The following RNF213 variants were observed in gnomAD, a reference collection of about 807,000 sequenced individuals.
The protein encoded by RNF213 is E3 ubiquitin-protein ligase RNF213.
A neutral mutation model predicts 514.4 loss-of-function variants in RNF213; 341 were observed. The observed-to-expected ratio is 0.66, with a 90% CI of 0.61 to 0.73. RNF213 has a LOEUF of 0.73. Ranked by LOEUF, RNF213 falls within the 30% of genes least tolerant of loss-of-function variation. The pLI, the probability that RNF213 is intolerant of heterozygous loss-of-function variation, is 0.00. For synonymous variants in RNF213, 2,655 were observed against 2,658.2 expected (o/e 1.00, Z 0.04); for missense variants, 5,767 against 6,615.6 (o/e 0.87, Z 4.45).
chr17:80,357,658 C>A (rs551520896), intron 36 of RNF213, among the ~76,000 whole-genome samples: 1 of 152,184 alleles, frequency 6.6e-6, no homozygotes, highest in South Asian at 2.1e-4. Context: ...TAGTTACATA[C>A]AAAAATTATG....
At chr17:80,323,038 A>G (rs1286143748) in intron 17 of RNF213, among the ~76,000 whole-genome samples, 1 of 152,104 alleles carries the variant, frequency 6.6e-6, no homozygotes. Flanking sequence ...CCTTTGATCC[A>G]TTTTGAGTTC....
In RNF213 at chr17:80,348,148, C is replaced by T. The variant is rs267605083; in HGVS notation, c.9813C>T (p.Ser3271=). ...CATPDAVVRL[S]AYSLGGFAAE... ...CGCCCGATGCCGTGGTCCGGCTGAG[C>T]GCCTACTCGCTGGGCGGGTTCGCAG... Residue 3271 remains serine, a synonymous_variant, in exon 29 of 68, where the codon AGC becomes AGT. Transcript: ENST00000582970. The T allele has an allele frequency of 8.1e-6, 13 of 1,613,966 alleles. No individual in the cohort carries two copies. In the African/African-American group the frequency reaches 1.2e-4, roughly 15 times the overall value.
rs1484128046 is a variant in RNF213 at position 80,369,664 on chromosome 17, T to C, written c.12318T>C (p.Ala4106=). The change falls in exon 45 of 68, where the codon GCT becomes GCC. Residue 4106 remains alanine (A), a synonymous_variant. Transcript: ENST00000582970. ...TCCAAAAGGGGCGCTTAAGAGATGC[T>C]GCCCAGAGTAGGTTGCTTTCTTCCT... ...LFVQKGRLRD[A]AQRHCEHTKS... The C allele has an allele frequency of 6.2e-7, 1 of 1,614,124 alleles. No homozygotes were observed. The highest frequency in any genetic ancestry group is 8.5e-7 in the Non-Finnish European group (1 of 1,180,060).
intron 3 of RNF213, among the ~76,000 whole-genome samples, chr17:80,277,104 G>A (rs1484620681): frequency 6.6e-6 from 1 of 151,792 alleles, no homozygotes; most frequent in Non-Finnish European, 1.5e-5. Context: ...AATACGATAT[G>A]GATCTGTGCT....
chr17:80,355,253 T>C (rs1482790343), intron 36 of RNF213: 1 of 455,220 alleles, frequency 2.2e-6, no homozygotes, highest in East Asian at 7.0e-5. Flanking sequence ...TCTGTGCCAG[T>C]GATAGGTTCG....
At chr17:80,294,674 G>T in intron 8 of RNF213, 46 bp from the exon 9 acceptor site, 1 of 1,609,736 alleles carries the variant, frequency 6.2e-7, no homozygotes, top group Admixed American at 1.7e-5. Flanking sequence ...GGTCTCCAGG[G>T]TTTTGATGGT....
In RNF213 at chr17:80,345,773, T is replaced by C. The variant is rs766330841; in HGVS notation, c.7438T>C (p.Leu2480=). 11 of 1,614,188 alleles carry C rather than the reference T, an allele frequency of 6.8e-6. No individual in the cohort carries two copies. The highest frequency in any genetic ancestry group is 9.3e-6 in the Non-Finnish European group (11 of 1,180,038). Residue 2480 remains leucine (L), a synonymous_variant, in exon 29 of 68, where the codon TTG becomes CTG. Transcript: ENST00000582970. The surrounding 1 kb of genome is among the most constrained non-coding windows in gnomAD (Gnocchi z 6.0). ...CTTCGCCAATAAGGACCAACATCAGTTGGACACCATCTTGTTTTTTGATGA... is the reference window on the plus strand; with the variant it reads ...CTTCGCCAATAAGGACCAACATCAGCTGGACACCATCTTGTTTTTTGATGA... The part of the protein sequence containing the change: ...VAFANKDQHQ[L]DTILFFDEAN...
rs2043525500 is a variant in RNF213, at chr17:80,264,089, G to C, written c.97+311G>C. Among the ~76,000 whole-genome samples, 1 of 152,218 alleles carries C rather than the reference G, an allele frequency of 6.6e-6. No individual in the cohort carries two copies. Among genetic ancestry groups the C allele is most frequent in the Admixed American group, 6.5e-5 (1 of 15,272 alleles). ...GAGGAGAGGGCAGGGCCAGGGCAGG[G>C]AGAGGACAAAACAAGAAGTTTTGTC... On this transcript the variant is annotated intron_variant, in intron 2 of 67. Transcript: ENST00000582970. This position sits in a 1 kb window ranked among gnomAD's most constrained non-coding sequence, Gnocchi z 5.0.
Position 80,377,213 on chromosome 17 carries a change from TCTGGAATATGC to T in RNF213, c.13510+252_13510+262del. 1.9e-6 allele frequency: 1 copy of T among 521,544 alleles called. No homozygotes were observed. The highest frequency in any genetic ancestry group is 3.2e-5 in the Admixed American group (1 of 31,406). 32.3% of individuals were successfully genotyped at this position (521,544 alleles called of 1,614,324 possible). A position where few individuals can be genotyped will look rare whatever the true frequency, so the allele number is the denominator to read the frequency against. On this transcript the variant is annotated intron_variant, in intron 53 of 67. Transcript: ENST00000582970. The surrounding 1 kb of genome is among the most constrained non-coding windows in gnomAD (Gnocchi z 4.1). ...GGCCCTCTGTGATGCACTTCTGTTC[TCTGGAATATGC>T]CATTTTGGGAGAAGGGAGGGACTGG...
At chr17:80,293,977 A>G (rs1181958610) in intron 8 of RNF213, among the ~76,000 whole-genome samples, 7 of 152,150 alleles carry the variant, frequency 4.6e-5, no homozygotes, top group Admixed American at 3.3e-4. Context: ...AGTCTAGACA[A>G]CTGTGGGTCG....
At chr17:80,390,719 TTA>T (rs33976036) in intron 67 of RNF213, among the ~76,000 whole-genome samples, 124,709 of 152,022 alleles carry the variant, frequency 0.82, 51,820 homozygotes, top group African/African-American at 0.9. Flanking sequence ...TATTCTAATT[TTA>T]TAACAAGTAG....
At position 80,380,842 on chromosome 17, in the gene RNF213, A is replaced by T; in HGVS notation, c.13652A>T (p.Asp4551Val). ...CTCGTTCTTTCCAGAGACAAGGCAG[A>T]CAGAACGCAGACCGGCCACGTGCTG... is the stretch of plus-strand genomic sequence containing the variant. ...DGFHLVKDKADRTQTGHVLGN... is the reference protein window; with the variant it reads ...DGFHLVKDKAVRTQTGHVLGN... The change falls in exon 56 of 68, where the codon GAC (aspartate) becomes GTC (valine). Residue 4551 changes from aspartate (D) to valine (V), a missense_variant. By Grantham distance (152) the Asp-to-Val change is radical. This residue lies in a region of RNF213 where 1,245 missense variants were observed against 1,339.0 expected (regional missense o/e 0.93). Coordinates refer to ENST00000582970, the MANE Select transcript of RNF213 (RefSeq NM_001256071.3). 3.1e-6 allele frequency: 5 copies of T among 1,614,220 alleles called. No homozygotes were observed. Among genetic ancestry groups the T allele is most frequent in the Non-Finnish European group, 4.2e-6 (5 of 1,180,046 alleles).
At chr17:80,322,160 C>CCT (rs745717325) in intron 17 of RNF213, among the ~76,000 whole-genome samples, 27 of 99,440 alleles carry the variant, frequency 2.7e-4, no homozygotes, top group Admixed American at 3.6e-4. Flanking sequence ...CCCACCCCCC[C>CCT]TTTTTTTTTT....
Position 80,344,880 on chromosome 17 carries a change from C to A in RNF213, c.6545C>A (p.Thr2182Lys). 6.2e-7 allele frequency: 1 copy of A among 1,614,178 alleles called. No individual in the cohort carries two copies. ...TTCAATCAAAACCAAGACCTAGACA[C>A]GTTTCAGTATCAAGAAGGCTCTGTC... ...RRFNQNQDLD[T>K]FQYQEGSVEG... is the part of the protein sequence containing the mutation. The change falls in exon 29 of 68, where the codon ACG becomes AAG. Residue 2182 changes from threonine (T) to lysine (K), a missense_variant. Around this residue, in one of 13 missense-constraint regions of RNF213, gnomAD observed 1,377 missense variants for 1,635.2 expected, o/e 0.84. Transcript: ENST00000582970.
rs368452080 is a variant in RNF213, at chr17:80,376,294, C to T, written c.13186-7C>T. The T allele has an allele frequency of 2.0e-5, 33 of 1,613,984 alleles. No homozygotes were observed. The African/African-American group carries it at 4.1e-4, about 20-fold the overall frequency. ...TACATCTTAATGTTAAGTTTTTTTC[C>T]TGTCAGCAATGTGAAGCTGTGAGCA... On this transcript the variant is annotated splice_region_variant and splice_polypyrimidine_tract_variant and intron_variant, in intron 51 of 67. Transcript: ENST00000582970.
rs957059147 is a variant in RNF213, at chr17:80,276,247, T to C, written c.261+2843T>C. On this transcript the variant is annotated intron_variant, in intron 3 of 67. Coordinates refer to ENST00000582970, the MANE Select transcript of RNF213 (RefSeq NM_001256071.3). ...TCCCAGCTAGCTGGGATTACAGGCA[T>C]GCACCACCATGTCTGGCTAATTTTG... Among the ~76,000 whole-genome samples the C allele has an allele frequency of 2.6e-5, 4 of 151,970 alleles. No homozygotes were observed. The East Asian group carries it at 7.8e-4, about 30-fold the overall frequency.
At chr17:80,293,065 A>AT (rs1356951989) in intron 8 of RNF213, among the ~76,000 whole-genome samples, 2 of 151,502 alleles carry the variant, frequency 1.3e-5, no homozygotes, top group East Asian at 1.9e-4. Context: ...ATATATATAT[A>AT]TTTTTTTTCT....
At chr17:80,331,652 G>A (rs892132468) in intron 20 of RNF213, among the ~76,000 whole-genome samples, 3 of 152,154 alleles carry the variant, frequency 2.0e-5, no homozygotes, top group Non-Finnish European at 2.9e-5. Flanking sequence ...GCGTCCCAAC[G>A]TGCTGGGTGG....
In RNF213 at chr17:80,372,561, A is replaced by T. The variant is rs746926433; in HGVS notation, c.12578A>T (p.Asp4193Val). 4.3e-6 allele frequency: 7 copies of T among 1,614,016 alleles called. No individual in the cohort carries two copies. In the South Asian group the frequency reaches 7.7e-5, roughly 18 times the overall value. Reference protein sequence around the residue: ...LEKTSAYSRNDELNHLEEEGR... With the variant: ...LEKTSAYSRNVELNHLEEEGR... ...AAGACCAGTGCTTACTCCAGAAATG[A>T]TGAACTGAACCACCTAGAAGAGGAA... The change falls in exon 48 of 68, where the codon GAT becomes GTT. Residue 4193 changes from aspartate (D) to valine (V), a missense_variant. This residue lies in a region of RNF213 where 1,245 missense variants were observed against 1,339.0 expected (regional missense o/e 0.93). Coordinates refer to ENST00000582970, the MANE Select transcript of RNF213 (RefSeq NM_001256071.3).
Sources: gnomAD v4.1 joint callset for allele counts (sites outside exome capture counted in the v4.1 genomes callset) on GRCh38, gnomAD v4.1.1 for gene constraint, gnomAD v4.1.1 regional missense constraint, Gnocchi (gnomAD v3.1) non-coding constraint, MANE v1.5 for transcripts, NCBI Gene and HGNC (gene_info 2026-07-23, HGNC 2026-07-21) for gene names.